GNAO1: variants seen among roughly 807,000 people sequenced by gnomAD.
GNAO1 encodes G protein subunit alpha o1.
For synonymous variants in GNAO1, 164 were observed against 180.7 expected, an observed-to-expected ratio of 0.91 and a Z score of 0.74; for missense variants, 166 against 478.7, an observed-to-expected ratio of 0.35 and a Z score of 6.10.
chr16:56,236,175 T>C (rs1400586134), intron 2 of GNAO1, among the ~76,000 whole-genome samples: 2 of 152,208 alleles, frequency 1.3e-5, no homozygotes, highest in Non-Finnish European at 2.9e-5. Flanking sequence ...AAGTCCACAT[T>C]AGTCTGCTGT....
intron 6 of GNAO1, chr16:56,345,503 G>C: frequency 3.0e-6 from 3 of 985,434 alleles, no homozygotes; most frequent in Non-Finnish European, 3.6e-6. Context: ...ACAGAGCTCT[G>C]AGTGGTGCCC....
intron 3 of GNAO1, 24 bp downstream of exon 3, chr16:56,276,096 C>T: frequency 6.2e-7 from 1 of 1,602,238 alleles, no homozygotes; most frequent in Non-Finnish European, 8.5e-7. Flanking sequence ...CCCATAAGCA[C>T]AGCAACAAGA....
chr16:56,272,050 C>G (rs2037022736), intron 2 of GNAO1, among the ~76,000 whole-genome samples: 1 of 152,066 alleles, frequency 6.6e-6, no homozygotes, highest in Admixed American at 6.6e-5. Flanking sequence ...TTTAAAAAAG[C>G]CAGAGGGATG....
intron 6 of GNAO1, among the ~76,000 whole-genome samples, chr16:56,349,320 G>A (rs1296752013): frequency 6.6e-6 from 1 of 152,178 alleles, no homozygotes; most frequent in African/African-American, 2.4e-5. Context: ...TCTCTGTTAG[G>A]CAGCTGCAGG....
intron 3 of GNAO1, among the ~76,000 whole-genome samples, chr16:56,298,966 G>A (rs952930845): frequency 1.4e-4 from 22 of 152,094 alleles, no homozygotes; most frequent in African/African-American, 4.8e-4. Flanking sequence ...TATAAGGACG[G>A]GGTGTCATGT....
In GNAO1 at chr16:56,355,207, T is replaced by TTATATA. The variant is rs57085646; in HGVS notation, c.*28+141_*28+146dup. ...AACTTTAAAGAGGCATAACAAAACC[T>TTATATA]TATATATATATATATATATACAAAT... On this transcript the variant is annotated intron_variant, in intron 8 of 8. Coordinates refer to ENST00000262493, the MANE Select transcript of GNAO1 (RefSeq NM_020988.3). 507 of 200,668 alleles carry TTATATA rather than the reference T, an allele frequency of 2.5e-3. 3 individuals are homozygous for TTATATA. The highest frequency in any genetic ancestry group is 9.2e-3 in the African/African-American group (372 of 40,608). The allele number at this position is 200,668 out of a possible 1,614,324, so 12.4% of individuals were successfully genotyped here.
At chr16:56,194,206 C>T in intron 2 of GNAO1, 1 of 456,604 alleles carries the variant, frequency 2.2e-6, no homozygotes, top group Non-Finnish European at 4.4e-6. Context: ...GCTCGCCGCA[C>T]CCTTCTGAGC....
intron 2 of GNAO1, among the ~76,000 whole-genome samples, chr16:56,234,319 C>T (rs2036617426): frequency 6.6e-6 from 1 of 152,274 alleles, no homozygotes; most frequent in African/African-American, 2.4e-5. Context: ...AGCCTCATGG[C>T]CTTGGCCCTC....
chr16:56,220,228 T>C (rs1420718781), intron 2 of GNAO1, among the ~76,000 whole-genome samples: 3 of 152,152 alleles, frequency 2.0e-5, no homozygotes, highest in Non-Finnish European at 4.4e-5. Context: ...CCATCATACC[T>C]ACCTGCTTAC....
intron 6 of GNAO1, among the ~76,000 whole-genome samples, chr16:56,341,278 C>G (rs143158199): frequency 6.6e-6 from 1 of 152,186 alleles, no homozygotes. Flanking sequence ...CTCTCTGTGA[C>G]GAGACGAGCA....
At chr16:56,300,653 T>C (rs559817150) in intron 3 of GNAO1, 2 of 152,398 alleles carry the variant, frequency 1.3e-5, no homozygotes, top group Non-Finnish European at 2.9e-5. Flanking sequence ...CTCCAGACTT[T>C]ATTTTTCTCA....
chr16:56,218,929 C>T (rs961381866), intron 2 of GNAO1, among the ~76,000 whole-genome samples: 1 of 152,186 alleles, frequency 6.6e-6, no homozygotes, highest in Non-Finnish European at 1.5e-5. Context: ...TACACTGCTC[C>T]TTCTATTATC....
At chr16:56,312,534 C>G (rs1409980751) in intron 3 of GNAO1, among the ~76,000 whole-genome samples, 2 of 152,242 alleles carry the variant, frequency 1.3e-5, no homozygotes, top group African/African-American at 4.8e-5. Context: ...GCTCAGCCAG[C>G]TCTGACCCCT....
At chr16:56,203,733 A>G (rs866502675) in intron 2 of GNAO1, among the ~76,000 whole-genome samples, 1 of 152,222 alleles carries the variant, frequency 6.6e-6, no homozygotes, top group Non-Finnish European at 1.5e-5. Context: ...GACCAAGATC[A>G]CGCTGACGAA....
At chr16:56,346,329 G>T in intron 6 of GNAO1, 1 of 985,306 alleles carries the variant, frequency 1.0e-6, no homozygotes, top group Non-Finnish European at 1.2e-6. Flanking sequence ...ACACGTGTGG[G>T]TTTCTAATCC....
intron 2 of GNAO1, among the ~76,000 whole-genome samples, chr16:56,265,109 C>T (rs2036939779): frequency 6.6e-6 from 1 of 152,242 alleles, no homozygotes; most frequent in Admixed American, 6.5e-5. Context: ...CGTGGTCAGA[C>T]AAGCCCCCCA....
At chr16:56,274,227 G>T (rs1380076317) in intron 2 of GNAO1, among the ~76,000 whole-genome samples, 3 of 152,190 alleles carry the variant, frequency 2.0e-5, no homozygotes, top group Non-Finnish European at 2.9e-5. Context: ...TCACAGTCCT[G>T]CACTGTCTAT....
Position 56,326,352 on chromosome 16 carries a change from CAT to C in GNAO1, c.304-2278_304-2277del, listed in dbSNP as rs1188983265. Among the ~76,000 whole-genome samples, 3 of 152,324 alleles carry C rather than the reference CAT, an allele frequency of 2.0e-5. No individual in the cohort carries two copies. Among genetic ancestry groups the C allele is most frequent in the Admixed American group, 1.3e-4 (2 of 15,304 alleles). On this transcript the variant is annotated intron_variant, in intron 3 of 8. Transcript: ENST00000262493. This position sits in a 1 kb window ranked among gnomAD's most constrained non-coding sequence, Gnocchi z 4.8. ...AGCAAAGTCCTGTCAGCCACAGAGA[CAT>C]GTGAAGAGCAAGAAGACAGGGTATG...
intron 3 of GNAO1, among the ~76,000 whole-genome samples, chr16:56,295,653 T>C (rs1209460320): frequency 6.6e-6 from 1 of 152,242 alleles, no homozygotes. Flanking sequence ...TGTTCCAGAA[T>C]GGCTCTTGAA....
Sources: allele counts gnomAD v4.1 joint callset (sites outside exome capture counted in the v4.1 genomes callset), GRCh38; gene constraint gnomAD v4.1.1; non-coding constraint Gnocchi (gnomAD v3.1); transcripts MANE v1.5; gene names NCBI Gene and HGNC (gene_info 2026-07-23, HGNC 2026-07-21).